ASAP2: variants seen among roughly 807,000 people sequenced by gnomAD.
ASAP2 encodes arf-GAP with SH3 domain, ANK repeat and PH domain-containing protein 2.
Under a neutral mutation model 131.4 loss-of-function variants are expected in ASAP2, and 45 were observed. The observed-to-expected ratio is 0.34, with a 90% CI of 0.27 to 0.44. The LOEUF is 0.44. ASAP2 is among the 20% of genes least tolerant of loss of function. ASAP2 has a pLI of 1.00. For synonymous variants in ASAP2, 510 were observed against 503.0 expected (o/e 1.01, Z -0.19); for missense variants, 1,011 against 1,297.0 (o/e 0.78, Z 3.39).
intron 16 of ASAP2, among the ~76,000 whole-genome samples, chr2:9,372,620 T>C (rs1674066467): frequency 6.6e-6 from 1 of 152,156 alleles, no homozygotes; most frequent in Non-Finnish European, 1.5e-5. Flanking sequence ...GAGCGATGCA[T>C]ACATTTAAGA....
chr2:9,297,133 G>A (rs1005848021), intron 2 of ASAP2, among the ~76,000 whole-genome samples, 167 bp from the exon 3 acceptor site: 1 of 152,146 alleles, frequency 6.6e-6, no homozygotes, highest in Non-Finnish European at 1.5e-5. Context: ...CCGGCACCAC[G>A]GGTTGTTGTT....
intron 1 of ASAP2, among the ~76,000 whole-genome samples, chr2:9,220,144 A>G (rs1378545768): frequency 6.6e-6 from 1 of 152,220 alleles, no homozygotes; most frequent in Non-Finnish European, 1.5e-5. Context: ...CTTTTAGGCT[A>G]TTATGAATAA....
chr2:9,388,797 G>C (rs901732341), intron 22 of ASAP2, among the ~76,000 whole-genome samples: 5 of 152,178 alleles, frequency 3.3e-5, no homozygotes, highest in Non-Finnish European at 7.4e-5. Flanking sequence ...AACTCCCCCA[G>C]GGCAGCCTGA....
Position 9,356,355 on chromosome 2 carries a change from G to A in ASAP2, c.1327+10G>A, listed in dbSNP as rs573625885. The A allele has an allele frequency of 3.2e-6, 5 of 1,575,146 alleles. No homozygotes were observed. Among genetic ancestry groups the A allele is most frequent in the Middle Eastern group, 3.4e-4 (2 of 5,866 alleles). ...GACTGTGGGGCGCCAGGTGACCCAG[G>A]GACCCCACCCGACCCTGGGCTCTAG... is the stretch of plus-strand genomic sequence containing the variant. On this transcript the variant is annotated intron_variant, in intron 14 of 27. Transcript: ENST00000281419.
Position 9,393,691 on chromosome 2 carries a change from C to G in ASAP2, c.2684+44C>G, listed in dbSNP as rs557591640. 8 of 1,520,628 alleles carry G rather than the reference C, an allele frequency of 5.3e-6. No individual in the cohort carries two copies. In the Admixed American group the frequency reaches 1.4e-4, roughly 27 times the overall value. The allele number at this position is 1,520,628 out of a possible 1,614,324, so 94.2% of individuals were successfully genotyped here. A position where few individuals can be genotyped will look rare whatever the true frequency, so the allele number is the denominator to read the frequency against. On this transcript the variant is annotated intron_variant, in intron 24 of 27. Transcript: ENST00000281419. The stretch of plus-strand genomic sequence containing the variant: ...GCTCGGCCATCCGTGCTCCTGCCCT[C>G]TGACCTCACCTGCCCAGGGCTCTGC...
At chr2:9,373,696 C>T (rs1428174149) in intron 16 of ASAP2, among the ~76,000 whole-genome samples, 1 of 152,224 alleles carries the variant, frequency 6.6e-6, no homozygotes, top group African/African-American at 2.4e-5. Flanking sequence ...TGCGGGGACT[C>T]CAGCTCGAAG....
At position 9,361,440 on chromosome 2, in the gene ASAP2, C is replaced by T. The variant is rs113771291; in HGVS notation, c.1461+2551C>T. ...CGTGGCTCTAAACCTTATTCCTTAG[C>T]CCTTCAGTTAAGCAGTACGTAGGGT... is the stretch of plus-strand genomic sequence containing the variant. On this transcript the variant is annotated intron_variant, in intron 15 of 27. Coordinates refer to ENST00000281419, the MANE Select transcript of ASAP2 (RefSeq NM_003887.3). Among the ~76,000 whole-genome samples the T allele has an allele frequency of 6.6e-3, 1,009 of 152,280 alleles. 11 individuals carry two copies. Among genetic ancestry groups the T allele is most frequent in the African/African-American group, 0.023 (956 of 41,558 alleles).
chr2:9,246,526 A>C (rs1396167710), intron 1 of ASAP2, among the ~76,000 whole-genome samples: 1 of 152,188 alleles, frequency 6.6e-6, no homozygotes, highest in Non-Finnish European at 1.5e-5. Context: ...TCCTGGGCTC[A>C]AACAATCAGC....
At chr2:9,249,535 G>A (rs1429513227) in intron 1 of ASAP2, among the ~76,000 whole-genome samples, 1 of 152,214 alleles carries the variant, frequency 6.6e-6, no homozygotes, top group Non-Finnish European at 1.5e-5. Flanking sequence ...AGATTGCCCT[G>A]TAGGAGGAAT....
intron 1 of ASAP2, among the ~76,000 whole-genome samples, chr2:9,256,943 A>AG (rs1489739722): frequency 6.6e-6 from 1 of 152,102 alleles, no homozygotes; most frequent in Non-Finnish European, 1.5e-5. Flanking sequence ...AAGGGCTGGG[A>AG]GGGGGCAGCA....
Position 9,311,861 on chromosome 2 carries a change from C to T in ASAP2, c.346-6663C>T, listed in dbSNP as rs1047858537. ...GAGTGGCCATGTCCTGGGAAATTCT[C>T]CCTGAGCCACCAGGCGTGTGTGCTG... On this transcript the variant is annotated intron_variant, in intron 3 of 27. Coordinates refer to ENST00000281419, the MANE Select transcript of ASAP2 (RefSeq NM_003887.3). This position sits in a 1 kb window ranked among gnomAD's most constrained non-coding sequence, Gnocchi z 5.2. 3.3e-5 allele frequency among the ~76,000 whole-genome samples: 5 copies of T among 152,314 alleles called. No homozygotes were observed. Among genetic ancestry groups the T allele is most frequent in the Middle Eastern group, 3.4e-3 (1 of 294 alleles).
intron 1 of ASAP2, among the ~76,000 whole-genome samples, chr2:9,277,159 G>C (rs1479627457): frequency 1.3e-5 from 2 of 152,196 alleles, no homozygotes; most frequent in Non-Finnish European, 2.9e-5. Context: ...TTAGAGCTCT[G>C]AGGAGCACCG....
At chr2:9,373,202 G>A (rs962510367) in intron 16 of ASAP2, among the ~76,000 whole-genome samples, 2 of 152,176 alleles carry the variant, frequency 1.3e-5, no homozygotes, top group Non-Finnish European at 2.9e-5. Flanking sequence ...CGGAGCAGGA[G>A]GGAGGCAGTG....
rs914198376 is a variant in ASAP2, at chr2:9,374,701, G to A, written c.1557-54G>A. Reference sequence around the variant, plus strand: ...ACATGGCCTTAGACAAAGGGAGGCCGGACGGCGGGTAGAAGCCCTTCATGA... The same window carrying A: ...ACATGGCCTTAGACAAAGGGAGGCCAGACGGCGGGTAGAAGCCCTTCATGA... On this transcript the variant is annotated intron_variant, in intron 16 of 27. Coordinates refer to ENST00000281419, the MANE Select transcript of ASAP2 (RefSeq NM_003887.3). 5.2e-5 allele frequency: 78 copies of A among 1,507,876 alleles called. No homozygotes were observed. In the African/African-American group the frequency reaches 6.6e-4, roughly 13 times the overall value. The allele number at this position is 1,507,876 out of a possible 1,614,324, so 93.4% of individuals were successfully genotyped here.
chr2:9,292,263 G>A (rs1667863401), intron 2 of ASAP2, among the ~76,000 whole-genome samples: 1 of 152,042 alleles, frequency 6.6e-6, no homozygotes, highest in Non-Finnish European at 1.5e-5. Flanking sequence ...AAAGTAGGCT[G>A]GGCGTGGTGG....
chr2:9,299,256 T>C (rs1469084232), intron 3 of ASAP2, among the ~76,000 whole-genome samples: 4 of 152,008 alleles, frequency 2.6e-5, no homozygotes, highest in African/African-American at 7.3e-5. Context: ...TTGCAAAAGA[T>C]CTTAAAAGCT....
At chr2:9,319,223 C>T (rs980727044) in intron 4 of ASAP2, among the ~76,000 whole-genome samples, 1 of 152,218 alleles carries the variant, frequency 6.6e-6, no homozygotes, top group South Asian at 2.1e-4. Context: ...CCCTGCGCAT[C>T]GCCAGCCCTG....
chr2:9,318,936 C>T (rs1407668085), intron 4 of ASAP2, among the ~76,000 whole-genome samples: 2 of 152,184 alleles, frequency 1.3e-5, no homozygotes, highest in South Asian at 2.1e-4. Flanking sequence ...CTAGCTGGCA[C>T]GTTGCCCATT....
At chr2:9,357,568 A>C (rs1429199408) in intron 14 of ASAP2, among the ~76,000 whole-genome samples, 1 of 152,202 alleles carries the variant, frequency 6.6e-6, no homozygotes, top group Non-Finnish European at 1.5e-5. Context: ...TTCTTGAGAA[A>C]GGGTAAAGAC....
Sources: allele counts gnomAD v4.1 joint callset (sites outside exome capture counted in the v4.1 genomes callset), GRCh38; gene constraint gnomAD v4.1.1; non-coding constraint Gnocchi (gnomAD v3.1); transcripts MANE v1.5; gene names NCBI Gene and HGNC (gene_info 2026-07-23, HGNC 2026-07-21).